Variants in LRRC4C observed in about 807,000 individuals in gnomAD.
LRRC4C encodes the protein leucine-rich repeat-containing protein 4C.
Under a neutral mutation model 33.6 loss-of-function variants are expected in LRRC4C, and 5 were observed. That is an observed-to-expected ratio of 0.15 (90% CI 0.08 to 0.31). The LOEUF (loss-of-function observed/expected upper bound fraction) is 0.31, where lower values mean the gene tolerates loss of function less well. Among genes scored for constraint, LRRC4C ranks in the 10% least tolerant of loss-of-function variants. The pLI, the probability that LRRC4C is intolerant of heterozygous loss-of-function variation, is 1.00. For synonymous variants in LRRC4C, 329 were observed against 302.0 expected, an observed-to-expected ratio of 1.09 and a Z score of -0.93; for missense variants, 560 against 796.7, an observed-to-expected ratio of 0.70 and a Z score of 3.58.
intron 2 of LRRC4C, among the ~76,000 whole-genome samples, chr11:40,919,879 A>G (rs1957105466): frequency 6.6e-6 from 1 of 152,150 alleles, no homozygotes. Context: ...GCATAAAAAA[A>G]CAGAAAAAAA....
At chr11:40,152,764 C>G (rs998870147) in intron 5 of LRRC4C, among the ~76,000 whole-genome samples, 1 of 152,226 alleles carries the variant, frequency 6.6e-6, no homozygotes, top group African/African-American at 2.4e-5. Flanking sequence ...TCACCCCCAT[C>G]CCCCACAGCA....
intron 6 of LRRC4C, among the ~76,000 whole-genome samples, chr11:40,127,782 C>A (rs1856362597): frequency 1.3e-5 from 2 of 152,022 alleles, no homozygotes; most frequent in South Asian, 2.1e-4. Flanking sequence ...GCATGAAATA[C>A]CAATGAAGAG....
intron 4 of LRRC4C, among the ~76,000 whole-genome samples, chr11:40,249,418 A>C (rs921507193): frequency 6.6e-6 from 1 of 152,114 alleles, no homozygotes; most frequent in African/African-American, 2.4e-5. Context: ...CAGAATTATA[A>C]AATTCACTGA....
intron 2 of LRRC4C, among the ~76,000 whole-genome samples, chr11:40,901,222 G>A (rs73484705): frequency 0.05 from 7,671 of 152,120 alleles, 262 homozygotes; most frequent in South Asian, 0.14. Flanking sequence ...TCCTGGTAAG[G>A]ACACATGCAC....
chr11:41,112,304 GGA>G (rs1941878764), intron 1 of LRRC4C, among the ~76,000 whole-genome samples: 1 of 152,006 alleles, frequency 6.6e-6, no homozygotes, highest in Non-Finnish European at 1.5e-5. Flanking sequence ...AGCATCTCCT[GGA>G]GAGCAGACAC....
intron 3 of LRRC4C, among the ~76,000 whole-genome samples, chr11:40,557,483 G>A (rs796370398): frequency 6.6e-6 from 1 of 152,152 alleles, no homozygotes; most frequent in African/African-American, 2.4e-5. Flanking sequence ...GAACTGAAAC[G>A]ATTATCTTTA....
chr11:40,348,455 G>C (rs962281168), intron 3 of LRRC4C, among the ~76,000 whole-genome samples: 1 of 152,154 alleles, frequency 6.6e-6, no homozygotes, highest in Non-Finnish European at 1.5e-5. Flanking sequence ...TTGTCTCTCA[G>C]AACATTTAAG....
intron 1 of LRRC4C, among the ~76,000 whole-genome samples, chr11:41,108,180 C>T (rs1177029195): frequency 6.6e-6 from 1 of 152,064 alleles, no homozygotes; most frequent in Non-Finnish European, 1.5e-5. Flanking sequence ...TCTAATTCCC[C>T]TAGTCTTTTT....
intron 2 of LRRC4C, among the ~76,000 whole-genome samples, chr11:40,847,805 G>C (rs1242051416): frequency 8.3e-6 from 1 of 120,916 alleles, no homozygotes; most frequent in East Asian, 2.5e-4. Flanking sequence ...TTTTTTGATT[G>C]GTACGATATT....
intron 3 of LRRC4C, among the ~76,000 whole-genome samples, chr11:40,392,003 TA>T (rs1160322305): frequency 6.6e-6 from 1 of 152,120 alleles, no homozygotes. Context: ...AATACATGGA[TA>T]AATCTTAAAT....
intron 2 of LRRC4C, among the ~76,000 whole-genome samples, chr11:40,678,118 C>A (rs1179794057): frequency 6.6e-6 from 1 of 151,740 alleles, no homozygotes; most frequent in Non-Finnish European, 1.5e-5. Context: ...AAATACTATT[C>A]CTCACACATC....
chr11:40,560,567 G>T (rs1031404630), intron 3 of LRRC4C, among the ~76,000 whole-genome samples: 1 of 151,924 alleles, frequency 6.6e-6, no homozygotes, highest in Non-Finnish European at 1.5e-5. Context: ...AATGCAACTG[G>T]GAAACTTACT....
At chr11:40,622,774 G>A (rs1206743835) in intron 3 of LRRC4C, among the ~76,000 whole-genome samples, 2 of 151,792 alleles carry the variant, frequency 1.3e-5, no homozygotes, top group African/African-American at 2.4e-5. Flanking sequence ...CTATTTGTAA[G>A]ATGGGATAAA....
chr11:40,827,727 T>A (rs1952227006), intron 2 of LRRC4C, among the ~76,000 whole-genome samples: 1 of 151,784 alleles, frequency 6.6e-6, no homozygotes, highest in Non-Finnish European at 1.5e-5. Context: ...TTTGCGTGTG[T>A]GCATGTATGG....
At chr11:41,349,970 G>A (rs1349184150) in intron 1 of LRRC4C, among the ~76,000 whole-genome samples, 1 of 147,142 alleles carries the variant, frequency 6.8e-6, no homozygotes, top group Non-Finnish European at 1.5e-5. Flanking sequence ...TCTCCTCAGT[G>A]TCTGGCTTAA....
intron 1 of LRRC4C, among the ~76,000 whole-genome samples, chr11:41,211,517 C>A (rs2136318024): frequency 6.6e-6 from 1 of 151,834 alleles, no homozygotes; most frequent in Non-Finnish European, 1.5e-5. Context: ...GTGTGATGTT[C>A]CCCTTCCTGT....
chr11:41,340,365 A>T (rs1951590275), intron 1 of LRRC4C, among the ~76,000 whole-genome samples: 1 of 152,168 alleles, frequency 6.6e-6, no homozygotes, highest in African/African-American at 2.4e-5. Context: ...ATTTTGCAAA[A>T]CTTGGACTAA....
At chr11:40,488,299 G>A (rs534585681) in intron 3 of LRRC4C, among the ~76,000 whole-genome samples, 1 of 151,976 alleles carries the variant, frequency 6.6e-6, no homozygotes, top group South Asian at 2.1e-4. Context: ...CCACTTAAAG[G>A]AAAATATCTT....
chr11:41,026,255 C>T (rs950190592), intron 1 of LRRC4C, among the ~76,000 whole-genome samples: 1 of 151,602 alleles, frequency 6.6e-6, no homozygotes, highest in Non-Finnish European at 1.5e-5. Flanking sequence ...AAAATATCAA[C>T]ATTAACAGGA....
Sources: gnomAD v4.1 joint callset for allele counts (sites outside exome capture counted in the v4.1 genomes callset) on GRCh38, gnomAD v4.1.1 for gene constraint, MANE v1.5 for transcripts, NCBI Gene and HGNC (gene_info 2026-07-23, HGNC 2026-07-21) for gene names.